RAB7A: variants seen among roughly 807,000 people sequenced by gnomAD.
The protein encoded by RAB7A is RAB7A, member RAS oncogene family.
In RAB7A, 2 loss-of-function variants were observed where a neutral mutation model predicts 24.5. The observed-to-expected ratio is 0.08, with a 90% CI of 0.03 to 0.26. The LOEUF (loss-of-function observed/expected upper bound fraction) is 0.26. Among genes scored for constraint, RAB7A ranks in the 10% least tolerant of loss-of-function variants. The probability of loss-of-function intolerance (pLI) is 1.00; values close to 1 mark genes in which losing one functional copy is unlikely to be tolerated. For synonymous variants in RAB7A, 100 were observed against 95.9 expected, an observed-to-expected ratio of 1.04 and a Z score of -0.25; for missense variants, 118 against 255.7, an observed-to-expected ratio of 0.46 and a Z score of 3.67.
intron 1 of RAB7A, among the ~76,000 whole-genome samples, chr3:128,769,740 C>T (rs1336841865): frequency 2.6e-5 from 4 of 152,236 alleles, no homozygotes; most frequent in African/African-American, 4.8e-5. Flanking sequence ...ATTTGCAATT[C>T]GTGAATGAGG....
chr3:128,729,341 C>A (rs1184031046), intron 1 of RAB7A, among the ~76,000 whole-genome samples: 1 of 152,118 alleles, frequency 6.6e-6, no homozygotes, highest in Non-Finnish European at 1.5e-5. Flanking sequence ...GAGGCCGAGG[C>A]AGGTGGATCA....
intron 1 of RAB7A, among the ~76,000 whole-genome samples, chr3:128,768,725 ATTT>A (rs34053060): frequency 1.5e-5 from 2 of 137,274 alleles, no homozygotes; most frequent in Non-Finnish European, 3.2e-5. Context: ...CACCTGGCTA[ATTT>A]TTTTTTTTTT....
chr3:128,740,708 C>G (rs1193536088), intron 1 of RAB7A, among the ~76,000 whole-genome samples: 1 of 149,016 alleles, frequency 6.7e-6, no homozygotes, highest in Non-Finnish European at 1.5e-5. Flanking sequence ...CCAGCCTAGG[C>G]AACATGGTAA....
At chr3:128,797,422 G>A (rs142175998) in intron 2 of RAB7A, among the ~76,000 whole-genome samples, 1,817 of 152,252 alleles carry the variant, frequency 0.012, 33 homozygotes, top group African/African-American at 0.039. Context: ...GATTTGTTTT[G>A]GTGATATATT....
intron 1 of RAB7A, among the ~76,000 whole-genome samples, chr3:128,782,711 A>G (rs1486983765): frequency 6.6e-6 from 1 of 150,954 alleles, no homozygotes; most frequent in East Asian, 2.0e-4. Flanking sequence ...GGCATTCTTT[A>G]TGTCTTGTAT....
intron 1 of RAB7A, chr3:128,764,811 T>C: frequency 1.1e-6 from 1 of 918,634 alleles, no homozygotes; most frequent in African/African-American, 1.6e-5. Flanking sequence ...GCTTCATCAG[T>C]TTCTCGGCAT....
chr3:128,765,090 C>T (rs1219141887), intron 1 of RAB7A: 12 of 861,456 alleles, frequency 1.4e-5, no homozygotes, highest in South Asian at 7.0e-5. Flanking sequence ...TGGGATGGTC[C>T]GAGGGTGCAG....
At position 128,765,775 on chromosome 3, in the gene RAB7A, T is replaced by TCC. The variant is rs1356031009; in HGVS notation, c.-8-29583_-8-29582dup. Among the ~76,000 whole-genome samples the TCC allele has an allele frequency of 5.1e-4, 52 of 101,516 alleles. No homozygotes were observed. In the East Asian group the frequency reaches 9.1e-3, roughly 18 times the overall value. 66.6% of individuals were successfully genotyped at this position (101,516 alleles called of 152,430 possible). A position where few individuals can be genotyped will look rare whatever the true frequency, so the allele number is the denominator to read the frequency against. The stretch of plus-strand genomic sequence containing the variant: ...ACCTCTACTTTTTTTTTTTTTTTTT[T>TCC]CCCGAGACAGAGTTTCTCTCTTGTC... On this transcript the variant is annotated intron_variant, in intron 1 of 5. Coordinates refer to ENST00000265062, the MANE Select transcript of RAB7A (RefSeq NM_004637.6).
rs1363685501 is a variant in RAB7A at position 128,738,816 on chromosome 3, G to A, written c.-9+12457G>A. On this transcript the variant is annotated intron_variant, in intron 1 of 5. Coordinates refer to ENST00000265062, the MANE Select transcript of RAB7A (RefSeq NM_004637.6). ...TAGATACATGTACAATACATCTGTT[G>A]TCATACCTGGTTGGAAAAAAAAATG... Among the ~76,000 whole-genome samples, 4 of 152,190 alleles carry A rather than the reference G, an allele frequency of 2.6e-5. No homozygotes were observed. The East Asian group carries it at 7.7e-4, about 29-fold the overall frequency.
chr3:128,799,942 G>GA (rs1427110601), intron 3 of RAB7A, among the ~76,000 whole-genome samples: 2 of 152,148 alleles, frequency 1.3e-5, no homozygotes, highest in Non-Finnish European at 2.9e-5. Context: ...TGTTCACAAT[G>GA]ACTAGAGATG....
intron 1 of RAB7A, among the ~76,000 whole-genome samples, chr3:128,750,670 G>T (rs1360474892): frequency 2.0e-5 from 3 of 152,198 alleles, no homozygotes; most frequent in Admixed American, 1.3e-4. Context: ...AAAATTTGCA[G>T]CCTGACATTG....
At chr3:128,793,327 G>A (rs940729452) in intron 1 of RAB7A, among the ~76,000 whole-genome samples, 5 of 151,500 alleles carry the variant, frequency 3.3e-5, no homozygotes, top group East Asian at 2.0e-4. Flanking sequence ...AGCAATTTTT[G>A]TATTTTTAGT....
chr3:128,770,487 A>G (rs995528477), intron 1 of RAB7A, among the ~76,000 whole-genome samples: 1 of 152,118 alleles, frequency 6.6e-6, no homozygotes, highest in Non-Finnish European at 1.5e-5. Flanking sequence ...TTGAAATGGG[A>G]CTGGATTTTA....
chr3:128,754,983 A>C (rs1303330315), intron 1 of RAB7A, among the ~76,000 whole-genome samples: 1 of 152,204 alleles, frequency 6.6e-6, no homozygotes, highest in Non-Finnish European at 1.5e-5. Flanking sequence ...GAAATAGAAT[A>C]TAGTACTTGA....
chr3:128,801,029 C>T (rs1371886277), intron 3 of RAB7A, among the ~76,000 whole-genome samples: 1 of 152,158 alleles, frequency 6.6e-6, no homozygotes, highest in Non-Finnish European at 1.5e-5. Context: ...TGCAGTAAAA[C>T]ATAATCAAAA....
chr3:128,773,234 G>A lies in RAB7A; in HGVS notation c.-8-22126G>A, dbSNP rs533577625. On this transcript the variant is annotated intron_variant, in intron 1 of 5. Coordinates refer to ENST00000265062, the MANE Select transcript of RAB7A (RefSeq NM_004637.6). ...CGTCTGGGATATGAGGAGCCCCTCC[G>A]CCCGGCAGCCGCCCCATCTGAGAAG... 4.7e-3 allele frequency among the ~76,000 whole-genome samples: 699 copies of A among 149,016 alleles called. 3 individuals carry two copies. The highest frequency in any genetic ancestry group is 7.6e-3 in the Non-Finnish European group (514 of 67,360).
intron 1 of RAB7A, among the ~76,000 whole-genome samples, chr3:128,755,383 A>G (rs1349982137): frequency 5.3e-5 from 8 of 152,222 alleles, no homozygotes; most frequent in Admixed American, 6.5e-5. Context: ...ATTTACAGCT[A>G]TAAATGCCTT....
chr3:128,783,591 G>A lies in RAB7A; in HGVS notation c.-8-11769G>A, dbSNP rs114859119. On this transcript the variant is annotated intron_variant, in intron 1 of 5. Transcript: ENST00000265062. ...CTCCCTCACCTGGCTGCTTTTATGT[G>A]CCCGCTCAGGCCTCTAGCCTTGGTG... Among the ~76,000 whole-genome samples, 1,281 of 152,202 alleles carry A rather than the reference G, an allele frequency of 8.4e-3. 23 individuals are homozygous for A. The highest frequency in any genetic ancestry group is 0.029 in the African/African-American group (1,207 of 41,504).
chr3:128,780,100 G>T (rs1042256138), intron 1 of RAB7A, among the ~76,000 whole-genome samples: 2 of 152,174 alleles, frequency 1.3e-5, no homozygotes, highest in African/African-American at 4.8e-5. Context: ...ATTGGGGTCT[G>T]ATATACATCT....
Sources: gnomAD v4.1 joint callset for allele counts (sites outside exome capture counted in the v4.1 genomes callset) on GRCh38, gnomAD v4.1.1 for gene constraint, MANE v1.5 for transcripts, NCBI Gene and HGNC (gene_info 2026-07-23, HGNC 2026-07-21) for gene names.